TOP3A: variants seen among roughly 807,000 people sequenced by gnomAD.
TOP3A encodes DNA topoisomerase 3-alpha.
Under a neutral mutation model 111.3 loss-of-function variants are expected in TOP3A, and 64 were observed. That is an observed-to-expected ratio of 0.57 (90% confidence interval 0.47 to 0.71). The LOEUF (loss-of-function observed/expected upper bound fraction) is 0.71, where lower values mean the gene tolerates loss of function less well. Ranked by LOEUF, TOP3A falls within the 30% of genes least tolerant of loss-of-function variation. TOP3A has a pLI of 0.00. For synonymous variants in TOP3A, 484 were observed against 485.1 expected (o/e 1.00, Z 0.03); for missense variants, 1,104 against 1,285.0 (o/e 0.86, Z 2.15).
intron 4 of TOP3A, chr17:18,306,615 C>G (rs567701260): frequency 2.4e-4 from 77 of 322,764 alleles, no homozygotes; most frequent in South Asian, 3.1e-4. Flanking sequence ...GTGATCCTGC[C>G]TTGGCCCCAC....
chr17:18,298,021 C>A (rs368135662), intron 9 of TOP3A, among the ~76,000 whole-genome samples: 3,399 of 150,618 alleles, frequency 0.023, 92 homozygotes, highest in African/African-American at 0.071. Flanking sequence ...AAGTGAGGAG[C>A]GTCTCTGCCC....
chr17:18,297,866 GTC>G (rs1370060721), intron 9 of TOP3A, among the ~76,000 whole-genome samples: 1 of 152,006 alleles, frequency 6.6e-6, no homozygotes, highest in Non-Finnish European at 1.5e-5. Flanking sequence ...AGTGAGGAGC[GTC>G]TCTGCCCAGC....
chr17:18,293,452 ATTT>A (rs796749830), intron 10 of TOP3A, among the ~76,000 whole-genome samples: 4 of 142,464 alleles, frequency 2.8e-5, no homozygotes, highest in Admixed American at 2.8e-4. Flanking sequence ...TGCCTGGCTA[ATTT>A]TTTTTTTTTT....
chr17:18,310,885 C>T (rs1280915319), intron 1 of TOP3A, among the ~76,000 whole-genome samples: 1 of 152,216 alleles, frequency 6.6e-6, no homozygotes, highest in East Asian at 1.9e-4. Flanking sequence ...ACACCCCTAA[C>T]TTCTCACTGT....
chr17:18,302,811 A>G, intron 5 of TOP3A, 88 bp from the exon 6 acceptor site: 1 of 1,491,064 alleles, frequency 6.7e-7, no homozygotes, highest in African/African-American at 1.4e-5. Context: ...GCCCCTTGAA[A>G]TAAAGGCAAA....
In TOP3A at chr17:18,274,680, A is replaced by G; in HGVS notation, c.*122T>C. The G allele has an allele frequency of 6.8e-7, 1 of 1,470,000 alleles. No homozygotes were observed. Among genetic ancestry groups the G allele is most frequent in the Non-Finnish European group, 9.0e-7 (1 of 1,107,858 alleles). The allele number at this position is 1,470,000 out of a possible 1,614,324, so 91.1% of individuals were successfully genotyped here. On this transcript the variant is annotated 3_prime_UTR_variant, in exon 19 of 19. Coordinates refer to ENST00000321105, the MANE Select transcript of TOP3A (RefSeq NM_004618.5). ...CCTTAACACAAGAAGGCCCGACTCC[A>G]AAGGCCAACACTGTCCTCTAAGTTT...
At chr17:18,298,406 A>G in intron 9 of TOP3A, among the ~76,000 whole-genome samples, 1 of 143,720 alleles carries the variant, frequency 7.0e-6, no homozygotes. Context: ...CCACCCGGCC[A>G]GCCTCCCCGT....
At chr17:18,298,349 G>A (rs915220454) in intron 9 of TOP3A, among the ~76,000 whole-genome samples, 11 of 147,058 alleles carry the variant, frequency 7.5e-5, no homozygotes, top group Non-Finnish European at 1.2e-4. Context: ...TCAGCCCCCC[G>A]CCCGGCCAGC....
chr17:18,310,598 C>T (rs776693381), intron 1 of TOP3A, among the ~76,000 whole-genome samples: 7 of 151,916 alleles, frequency 4.6e-5, no homozygotes, highest in Non-Finnish European at 8.8e-5. Context: ...AAGGCAGATT[C>T]GTGGTTGTGA....
At chr17:18,289,428 C>G (rs1567740246) in intron 13 of TOP3A, among the ~76,000 whole-genome samples, 1 of 152,184 alleles carries the variant, frequency 6.6e-6, no homozygotes, top group Non-Finnish European at 1.5e-5. Context: ...GTGCCCACCG[C>G]CATGCCTGGC....
At chr17:18,294,425 G>T (rs1037943848) in intron 10 of TOP3A, among the ~76,000 whole-genome samples, 5 of 151,974 alleles carry the variant, frequency 3.3e-5, no homozygotes, top group African/African-American at 4.8e-5. Flanking sequence ...CGCCTCCTGG[G>T]TTCAAACGGT....
intron 2 of TOP3A, 93 bp from the exon 3 acceptor site, chr17:18,308,517 G>T: frequency 1.1e-6 from 1 of 875,068 alleles, no homozygotes; most frequent in Non-Finnish European, 1.7e-6. Context: ...TTCTATTAAA[G>T]ACATTTTTAA....
intron 10 of TOP3A, among the ~76,000 whole-genome samples, chr17:18,293,087 C>T (rs899003585): frequency 9.2e-5 from 14 of 152,210 alleles, no homozygotes; most frequent in African/African-American, 3.1e-4. Flanking sequence ...AGGGGCAGCA[C>T]AGCACAGGAA....
intron 9 of TOP3A, among the ~76,000 whole-genome samples, chr17:18,297,521 T>C (rs942130612): frequency 1.4e-5 from 2 of 140,768 alleles, no homozygotes; most frequent in African/African-American, 5.7e-5. Flanking sequence ...ACGGTACTGC[T>C]GCCTGATTCT....
chr17:18,284,184 T>G (rs1979946328), intron 15 of TOP3A, among the ~76,000 whole-genome samples: 1 of 151,574 alleles, frequency 6.6e-6, no homozygotes, highest in African/African-American at 2.4e-5. Flanking sequence ...ATTTTTTTTT[T>G]TTTTTTTTAG....
At chr17:18,306,168 TC>T (rs1567751158) in intron 4 of TOP3A, among the ~76,000 whole-genome samples, 1 of 152,040 alleles carries the variant, frequency 6.6e-6, no homozygotes, top group African/African-American at 2.4e-5. Flanking sequence ...ACCATCATAC[TC>T]CAGCCTGGGG....
At chr17:18,313,835 G>A (rs1018577579) in intron 1 of TOP3A, among the ~76,000 whole-genome samples, 4 of 152,156 alleles carry the variant, frequency 2.6e-5, no homozygotes, top group African/African-American at 4.8e-5. Context: ...AAAATGAGCA[G>A]GGAACTTCCA....
chr17:18,274,379 C>T lies in TOP3A; in HGVS notation c.*423G>A, dbSNP rs1205828770. ...CTTCTCAGGACGTCTATGAGAAGCC[C>T]TGGGCAGCCTGGACAGGGACTGCCC... On this transcript the variant is annotated 3_prime_UTR_variant, in exon 19 of 19. Coordinates refer to ENST00000321105, the MANE Select transcript of TOP3A (RefSeq NM_004618.5). 1 of 157,896 alleles carries T rather than the reference C, an allele frequency of 6.3e-6. No individual in the cohort carries two copies. The highest frequency in any genetic ancestry group is 1.4e-5 in the Non-Finnish European group (1 of 71,604). The allele number at this position is 157,896 out of a possible 1,614,324, so 9.8% of individuals were successfully genotyped here.
At chr17:18,275,931 A>T (rs1979341090) in intron 18 of TOP3A, among the ~76,000 whole-genome samples, 1 of 152,198 alleles carries the variant, frequency 6.6e-6, no homozygotes, top group Non-Finnish European at 1.5e-5. Flanking sequence ...CTGGGATTAC[A>T]GGCATGAGCC....
Sources: allele counts gnomAD v4.1 joint callset (sites outside exome capture counted in the v4.1 genomes callset), GRCh38; gene constraint gnomAD v4.1.1; transcripts MANE v1.5; gene names NCBI Gene and HGNC (gene_info 2026-07-23, HGNC 2026-07-21).